The following DMD variants were observed in gnomAD, a reference collection of about 807,000 sequenced individuals.
DMD encodes dystrophin, also known as mutant dystrophin.
Under a neutral mutation model 330.1 loss-of-function variants are expected in DMD, and 63 were observed. That is an observed-to-expected ratio of 0.19 (90% CI 0.16 to 0.24). The LOEUF (loss-of-function observed/expected upper bound fraction) is 0.24. DMD is among the 10% of genes least tolerant of loss of function. The pLI is 1.00. For missense variants in DMD, 3,344 were observed against 2,684.1 expected (o/e 1.25, Z -5.43); for synonymous variants, 1,223 against 959.8 (o/e 1.27, Z -5.07).
Position 31,610,900 on chromosome X carries a change from T to C in DMD, c.8217+16773A>G, listed in dbSNP as rs1329500643. On this transcript the variant is annotated intron_variant, in intron 55 of 78. Coordinates refer to ENST00000357033, the MANE Select transcript of DMD (RefSeq NM_004006.3). The stretch of plus-strand genomic sequence containing the variant: ...TGGTAATGGAAGCCTTTAGGTGTCA[T>C]CTGGCTTAGCTTTTCCTTTTGTATC... 4.5e-5 allele frequency among the ~76,000 whole-genome samples: 5 copies of C among 111,414 alleles called. No individual in the cohort carries two copies. The South Asian group carries it at 1.1e-3, about 25-fold the overall frequency.
At chrX:32,753,627 A>G (rs142553101) in intron 7 of DMD, among the ~76,000 whole-genome samples, 10,893 of 111,724 alleles carry the variant, frequency 0.097, 459 homozygotes, top group Admixed American at 0.2. Flanking sequence ...TCTGACACAA[A>G]TAACTAAAGA....
chrX:33,031,733 T>C (rs1420735616), intron 1 of DMD, among the ~76,000 whole-genome samples: 2 of 110,736 alleles, frequency 1.8e-5, no homozygotes, highest in Non-Finnish European at 3.8e-5. Flanking sequence ...ATCATGCCAC[T>C]GCACTCCAGC....
At chrX:33,238,128 G>A (rs1407131055) in intron 1 of DMD, among the ~76,000 whole-genome samples, 1 of 112,124 alleles carries the variant, frequency 8.9e-6, no homozygotes, top group African/African-American at 3.2e-5. Context: ...CACTTGGAAA[G>A]GGATCTAAAT....
chrX:32,188,068 T>C lies in DMD; in HGVS notation c.6438+28848A>G, dbSNP rs746725050. ...AGATAAAGTAAATCAAATGCAGGCG[T>C]AACATCTATATTATGTAGATGTGTG... is the stretch of plus-strand genomic sequence containing the variant. On this transcript the variant is annotated intron_variant, in intron 44 of 78. Coordinates refer to ENST00000357033, the MANE Select transcript of DMD (RefSeq NM_004006.3). 4.3e-3 allele frequency among the ~76,000 whole-genome samples: 480 copies of C among 111,089 alleles called. 3 individuals carry two copies. The highest frequency in any genetic ancestry group is 7.9e-3 in the Non-Finnish European group (414 of 52,697).
chrX:33,308,827 A>G (rs772957342), intron 1 of DMD, among the ~76,000 whole-genome samples: 70 of 111,849 alleles, frequency 6.3e-4, no homozygotes, highest in African/African-American at 2.2e-3. Flanking sequence ...GCTTAGTCTC[A>G]CAGCAAGGAT....
At chrX:33,312,576 G>A (rs1027432454) in intron 1 of DMD, among the ~76,000 whole-genome samples, 1 of 111,769 alleles carries the variant, frequency 8.9e-6, no homozygotes, top group African/African-American at 3.2e-5. Flanking sequence ...ATGACAATGT[G>A]CAGTCAAGTC....
chrX:31,470,367 TC>T (rs1410886221), intron 59 of DMD, among the ~76,000 whole-genome samples: 2 of 111,775 alleles, frequency 1.8e-5, no homozygotes, highest in African/African-American at 6.5e-5. Flanking sequence ...TGTGTGGACG[TC>T]CTTTTTGTTG....
At chrX:32,693,998 C>A (rs929764886) in intron 9 of DMD, among the ~76,000 whole-genome samples, 1 of 112,073 alleles carries the variant, frequency 8.9e-6, no homozygotes, top group Non-Finnish European at 1.9e-5. Flanking sequence ...AGACATCGTA[C>A]CCTACTGTTT....
At chrX:31,561,568 G>C (rs943445261) in intron 55 of DMD, among the ~76,000 whole-genome samples, 4 of 111,762 alleles carry the variant, frequency 3.6e-5, no homozygotes, top group South Asian at 3.8e-4. Context: ...TATAACACTT[G>C]TCCTTAAAAT....
chrX:33,065,618 C>T (rs1243764285), intron 1 of DMD, among the ~76,000 whole-genome samples: 1 of 112,419 alleles, frequency 8.9e-6, no homozygotes, highest in East Asian at 2.8e-4. Flanking sequence ...ATAAAGAACA[C>T]CCATTATATG....
rs139125948 is a variant in DMD at position 32,858,486 on chromosome X, C to G, written c.94-8666G>C. Among the ~76,000 whole-genome samples the G allele has an allele frequency of 8.2e-3, 917 of 111,251 alleles. 8 individuals are homozygous for G. Among genetic ancestry groups the G allele is most frequent in the East Asian group, 0.05 (175 of 3,518 alleles). On this transcript the variant is annotated intron_variant, in intron 2 of 78. Transcript: ENST00000357033. ...CTGGGACTACAGGCATGTGTCATCA[C>G]GTCCAGCTCAGTTTTGTATTTTTAG...
chrX:31,601,531 G>C (rs922875383), intron 55 of DMD, among the ~76,000 whole-genome samples: 3 of 111,337 alleles, frequency 2.7e-5, no homozygotes, highest in Non-Finnish European at 5.7e-5. Context: ...TGAGTTATAA[G>C]TATAAAGTCA....
In DMD at chrX:32,755,200, A is replaced by G. The variant is rs186548141; in HGVS notation, c.649+54293T>C. On this transcript the variant is annotated intron_variant, in intron 7 of 78. Transcript: ENST00000357033. The stretch of plus-strand genomic sequence containing the variant: ...ATAATGAGGAGAGCTCAATAATGAA[A>G]GCTCAACTTTTTTTTTGTATGGGTG... 4.3e-3 allele frequency among the ~76,000 whole-genome samples: 470 copies of G among 110,574 alleles called. 1 individual carries two copies. Among genetic ancestry groups the G allele is most frequent in the Non-Finnish European group, 7.0e-3 (369 of 52,992 alleles).
intron 55 of DMD, among the ~76,000 whole-genome samples, chrX:31,517,918 AACACACACACACAC>A (rs372551324): frequency 0.15 from 13,381 of 89,456 alleles, 809 homozygotes; most frequent in Middle Eastern, 0.22. Flanking sequence ...CTGTGTTTCA[AACACACACACACAC>A]ACACACACAC....
chrX:32,304,231 T>G (rs992980324), intron 42 of DMD, among the ~76,000 whole-genome samples: 2 of 111,570 alleles, frequency 1.8e-5, no homozygotes, highest in African/African-American at 6.5e-5. Context: ...ACTTCAAAAT[T>G]TCTACCAGCC....
At chrX:32,735,747 C>A (rs1467070043) in intron 7 of DMD, among the ~76,000 whole-genome samples, 1 of 111,926 alleles carries the variant, frequency 8.9e-6, no homozygotes, top group Non-Finnish European at 1.9e-5. Flanking sequence ...CTTCCTCACA[C>A]CTTATACAAA....
At chrX:31,977,108 C>T (rs989061787) in intron 44 of DMD, among the ~76,000 whole-genome samples, 53 of 111,722 alleles carry the variant, frequency 4.7e-4, no homozygotes, top group African/African-American at 1.7e-3. Flanking sequence ...GAGGTAATTA[C>T]TATTATAAAG....
At chrX:33,056,363 T>C (rs1190138428) in intron 1 of DMD, among the ~76,000 whole-genome samples, 1 of 109,168 alleles carries the variant, frequency 9.2e-6, no homozygotes, top group Non-Finnish European at 1.9e-5. Flanking sequence ...TTCTTTTCTT[T>C]TTTCTTTTCT....
At chrX:32,535,368 T>A (rs1035293176) in intron 17 of DMD, among the ~76,000 whole-genome samples, 5 of 111,753 alleles carry the variant, frequency 4.5e-5, no homozygotes, top group African/African-American at 9.8e-5. Flanking sequence ...TTGGAGGCAA[T>A]GGCAGAATAT....
Sources: allele counts gnomAD v4.1 joint callset (sites outside exome capture counted in the v4.1 genomes callset), GRCh38; gene constraint gnomAD v4.1.1; transcripts MANE v1.5; gene names NCBI Gene and HGNC (gene_info 2026-07-23, HGNC 2026-07-21).